The following ZKSCAN7 variants were observed in gnomAD, a reference collection of about 807,000 sequenced individuals.
The protein encoded by ZKSCAN7 is zinc finger with KRAB and SCAN domains 7.
Under a neutral mutation model 65.3 loss-of-function variants are expected in ZKSCAN7, and 38 were observed. The observed-to-expected ratio is 0.58, with a 90% CI of 0.45 to 0.76. The LOEUF is 0.76. Among genes scored for constraint, ZKSCAN7 ranks in the 30% least tolerant of loss-of-function variants. ZKSCAN7 has a pLI of 0.00. For synonymous variants in ZKSCAN7, 321 were observed against 321.0 expected (o/e 1.00, Z 0.00); for missense variants, 815 against 913.3 (o/e 0.89, Z 1.39).
intron 1 of ZKSCAN7, among the ~76,000 whole-genome samples, chr3:44,556,207 G>A (rs1395292225): frequency 6.6e-6 from 1 of 152,214 alleles, no homozygotes; most frequent in Non-Finnish European, 1.5e-5. Flanking sequence ...GCAGCAGTTT[G>A]GAGGGTGAGA....
intron 2 of ZKSCAN7, among the ~76,000 whole-genome samples, chr3:44,559,874 C>A (rs980772557): frequency 5.3e-5 from 8 of 152,178 alleles, no homozygotes; most frequent in Admixed American, 3.3e-4. Context: ...AACAAGTAAG[C>A]ACATATGAGT....
intron 4 of ZKSCAN7, 27 bp from the exon 5 acceptor site, chr3:44,568,280 C>G (rs746533592): frequency 9.3e-6 from 15 of 1,606,980 alleles, no homozygotes; most frequent in Non-Finnish European, 1.2e-5. Context: ...GTGAATGTTC[C>G]TGAGCGATTG....
chr3:44,575,798 G>A (rs1040873999), downstream of ZKSCAN7, among the ~76,000 whole-genome samples: 4 of 152,046 alleles, frequency 2.6e-5, no homozygotes, highest in South Asian at 2.1e-4. Context: ...GGCTGGTCTC[G>A]AATTCCCGAC....
intron 5 of ZKSCAN7, chr3:44,580,736 G>A: frequency 1.2e-6 from 2 of 1,613,954 alleles, no homozygotes; most frequent in Admixed American, 1.7e-5. Context: ...TCATGTTGAT[G>A]GTGCCCTGAG....
chr3:44,561,710 A>G (rs1197500023), intron 2 of ZKSCAN7, among the ~76,000 whole-genome samples: 1 of 152,204 alleles, frequency 6.6e-6, no homozygotes, highest in Non-Finnish European at 1.5e-5. Context: ...TACATGTCCC[A>G]TGCAAGTCCA....
downstream of ZKSCAN7, among the ~76,000 whole-genome samples, chr3:44,572,412 G>A (rs943463607): frequency 6.7e-6 from 1 of 150,150 alleles, no homozygotes; most frequent in Admixed American, 6.6e-5. Flanking sequence ...GAGAGAGAGT[G>A]TGTGTGTGTG....
Position 44,570,067 on chromosome 3 carries a change from C to T in ZKSCAN7, c.957C>T (p.Phe319=), listed in dbSNP as rs200067122. ...CTGGAGATGTTTGTGAAGATACTTT[C>T]AAGGAGTTAGAAGGACAAACCTCAG... is the stretch of plus-strand genomic sequence containing the variant. ...AETGDVCEDT[F]KELEGQTSDE... is the part of the protein sequence containing the mutation. The change falls in exon 6 of 6, where the codon TTC becomes TTT. Residue 319 remains phenylalanine (F), a synonymous_variant. Coordinates refer to ENST00000426540, the MANE Select transcript of ZKSCAN7 (RefSeq NM_001288590.2). 4.3e-6 allele frequency: 7 copies of T among 1,613,868 alleles called. No individual in the cohort carries two copies. The East Asian group carries it at 1.3e-4, about 31-fold the overall frequency.
Position 44,568,326 on chromosome 3 carries a change from A to C in ZKSCAN7, c.704A>C (p.Asp235Ala). The C allele has an allele frequency of 1.2e-6, 2 of 1,613,462 alleles. No individual in the cohort carries two copies. The highest frequency in any genetic ancestry group is 1.7e-6 in the Non-Finnish European group (2 of 1,179,778). The change falls in exon 5 of 6, where the codon GAC becomes GCC. Residue 235 changes from aspartate (D) to alanine (A), a missense_variant. Coordinates refer to ENST00000426540, the MANE Select transcript of ZKSCAN7 (RefSeq NM_001288590.2). ...VRPQDTVAYE[D>A]LSVDYTQKKW... ...TTCCAGGATACTGTGGCATATGAGG[A>C]CCTATCTGTAGACTACACTCAGAAG... is the stretch of plus-strand genomic sequence containing the variant.
intron 5 of ZKSCAN7, among the ~76,000 whole-genome samples, chr3:44,569,605 A>T (rs528344245): frequency 6.6e-6 from 1 of 152,324 alleles, no homozygotes; most frequent in Admixed American, 6.5e-5. Context: ...ACATAGCACG[A>T]GAGTAACTTC....
intron 1 of ZKSCAN7, among the ~76,000 whole-genome samples, chr3:44,555,948 C>G (rs1699280238): frequency 6.6e-6 from 1 of 152,204 alleles, no homozygotes. Context: ...ACAAAGATGA[C>G]TGGAAGTCAG....
At chr3:44,573,182 G>C (rs929645928), downstream of ZKSCAN7, among the ~76,000 whole-genome samples, 8 of 152,244 alleles carry the variant, frequency 5.3e-5, no homozygotes, top group African/African-American at 1.9e-4. Flanking sequence ...TCACATGTCA[G>C]TCCATGAGCT....
In ZKSCAN7 at chr3:44,568,361, A is replaced by G. The variant is rs143669519; in HGVS notation, c.739A>G (p.Ser247Gly). ...AGACTACACTCAGAAGAAATGGAAA[A>G]GTCTCACACTCAGTCAGAGAGCCCT... ...SVDYTQKKWK[S>G]LTLSQRALQW... The change falls in exon 5 of 6, where the codon AGT (serine) becomes GGT (glycine). Residue 247 changes from serine to glycine, a missense_variant. Ser to Gly is a moderately conservative substitution (Grantham distance 56). Transcript: ENST00000426540. The G allele has an allele frequency of 7.4e-5, 119 of 1,613,976 alleles. No homozygotes were observed. The highest frequency in any genetic ancestry group is 9.5e-5 in the Non-Finnish European group (112 of 1,179,950).
Position 44,582,975 on chromosome 3 carries a change from G to A in ZKSCAN7, c.815G>A (p.Trp272Ter), listed in dbSNP as rs1700121433. 8.9e-6 allele frequency: 4 copies of A among 447,804 alleles called. No homozygotes were observed. The highest frequency in any genetic ancestry group is 1.8e-5 in the Non-Finnish European group (4 of 223,898). 27.7% of individuals were successfully genotyped at this position (447,804 alleles called of 1,614,324 possible). The change falls in exon 6 of 6, where the codon TGG (tryptophan) becomes TAG (stop). Residue 272 changes from tryptophan to a stop codon, truncating the protein, a stop_gained. Coordinates refer to the ZKSCAN7 transcript ENST00000341840. LOFTEE classifies it high-confidence loss of function. ...GAGTTTCACTCTTGTCTTCCAGGCTGGAGTACAATGGCGTGATCTTGGCTC... is the reference window on the plus strand; with the variant it reads ...GAGTTTCACTCTTGTCTTCCAGGCTAGAGTACAATGGCGTGATCTTGGCTC...
intron 5 of ZKSCAN7, among the ~76,000 whole-genome samples, chr3:44,581,276 G>C (rs997514005): frequency 4.0e-5 from 6 of 149,418 alleles, no homozygotes; most frequent in East Asian, 3.9e-4. Flanking sequence ...ACGCGGCCTC[G>C]GGCCCGCTGC....
chr3:44,575,777 C>T (rs867035728), downstream of ZKSCAN7, among the ~76,000 whole-genome samples: 12 of 152,246 alleles, frequency 7.9e-5, no homozygotes, highest in South Asian at 1.5e-3. Flanking sequence ...AGGGTTTCTC[C>T]ATGCTGGTCA....
intron 2 of ZKSCAN7, among the ~76,000 whole-genome samples, chr3:44,564,825 G>T (rs899835684): frequency 6.6e-6 from 1 of 151,722 alleles, no homozygotes; most frequent in Non-Finnish European, 1.5e-5. Flanking sequence ...TTTTGAGACG[G>T]AGTCTCGCTC....
At chr3:44,572,397 CAA>C (rs1271291612), downstream of ZKSCAN7, among the ~76,000 whole-genome samples, 21 of 139,528 alleles carry the variant, frequency 1.5e-4, no homozygotes, top group Admixed American at 1.5e-3. Flanking sequence ...TGTATGTATG[CAA>C]AAGAGAGAGA....
intron 5 of ZKSCAN7, chr3:44,579,789 T>A: frequency 6.2e-7 from 1 of 1,613,390 alleles, no homozygotes; most frequent in Non-Finnish European, 8.5e-7. Context: ...CTGTAGTATC[T>A]CAGGCTTTGA....
chr3:44,575,498 T>C (rs986611830), downstream of ZKSCAN7, among the ~76,000 whole-genome samples: 2 of 152,250 alleles, frequency 1.3e-5, no homozygotes, highest in Non-Finnish European at 2.9e-5. Flanking sequence ...TTAGGAATAG[T>C]TGCTAAGTTT....
Sources: gnomAD v4.1 joint callset for allele counts (sites outside exome capture counted in the v4.1 genomes callset) on GRCh38, gnomAD v4.1.1 for gene constraint, MANE v1.5 for transcripts, NCBI Gene and HGNC (gene_info 2026-07-23, HGNC 2026-07-21) for gene names.